RNF214: variants seen among roughly 807,000 people sequenced by gnomAD.
RNF214 encodes the protein ring finger protein 214.
RNF214 carries 25 observed loss-of-function variants against 75.9 expected under a neutral mutation model. The observed-to-expected ratio is 0.33, with a 90% CI of 0.24 to 0.46. RNF214 has a LOEUF of 0.46. Among genes scored for constraint, RNF214 ranks in the 20% least tolerant of loss-of-function variants. The pLI, the probability that RNF214 is intolerant of heterozygous loss-of-function variation, is 1.00. For missense variants in RNF214, 725 were observed against 857.5 expected, an observed-to-expected ratio of 0.85 and a Z score of 1.93; for synonymous variants, 314 against 308.8, an observed-to-expected ratio of 1.02 and a Z score of -0.18.
chr11:117,286,103 G>A lies in RNF214; in HGVS notation c.*952G>A, dbSNP rs1279343180. 2.0e-5 allele frequency: 3 copies of A among 152,648 alleles called. No individual in the cohort carries two copies. Among genetic ancestry groups the A allele is most frequent in the Non-Finnish European group, 4.4e-5 (3 of 68,046 alleles). 9.5% of individuals were successfully genotyped at this position (152,648 alleles called of 1,614,324 possible). ...AGCTCCAGACAGGCACTGGGGTGAG[G>A]AGATGTCTGTGCAAAATTACTTGTA... On this transcript the variant is annotated 3_prime_UTR_variant, in exon 15 of 15. Transcript: ENST00000300650.
At chr11:117,243,340 T>C (rs1040514315) in intron 4 of RNF214, among the ~76,000 whole-genome samples, 2 of 152,174 alleles carry the variant, frequency 1.3e-5, no homozygotes, top group Non-Finnish European at 2.9e-5. Flanking sequence ...GAGATGGGAT[T>C]GCACTGTGTT....
intron 6 of RNF214, among the ~76,000 whole-genome samples, chr11:117,252,746 T>A (rs1475471809): frequency 6.6e-6 from 1 of 151,828 alleles, no homozygotes. Context: ...GGTCTCGCTC[T>A]CCTGACCTCC....
chr11:117,256,872 TC>T (rs1285647312), intron 6 of RNF214, among the ~76,000 whole-genome samples: 1 of 152,160 alleles, frequency 6.6e-6, no homozygotes, highest in Admixed American at 6.6e-5. Flanking sequence ...TTTCACTTTT[TC>T]TGCTTAGTAT....
intron 6 of RNF214, among the ~76,000 whole-genome samples, chr11:117,261,299 G>A (rs1291520241): frequency 1.3e-5 from 2 of 152,028 alleles, no homozygotes; most frequent in African/African-American, 4.8e-5. Flanking sequence ...TAAATTATTG[G>A]CTGGGCTCAG....
At chr11:117,254,553 T>G (rs1416846567) in intron 6 of RNF214, among the ~76,000 whole-genome samples, 1 of 152,132 alleles carries the variant, frequency 6.6e-6, no homozygotes, top group East Asian at 1.9e-4. Flanking sequence ...TCTTGGTGCC[T>G]TGTTCTTTTC....
At chr11:117,255,465 C>G (rs923444035) in intron 6 of RNF214, among the ~76,000 whole-genome samples, 4 of 152,002 alleles carry the variant, frequency 2.6e-5, no homozygotes, top group African/African-American at 9.7e-5. Flanking sequence ...TATTTTTGTT[C>G]TTTTTACAAT....
At chr11:117,282,717 C>G in intron 12 of RNF214, 29 bp from the exon 13 acceptor site, 1 of 1,590,450 alleles carries the variant, frequency 6.3e-7, no homozygotes, top group Non-Finnish European at 8.6e-7. Flanking sequence ...GACTCTCTTC[C>G]CTTACTCTGA....
rs1297010862 is a variant in RNF214 at position 117,246,837 on chromosome 11, CAAT to C, written c.851_853del (p.Ile284del). 1.2e-6 allele frequency: 2 copies of C among 1,605,888 alleles called. No homozygotes were observed. Among genetic ancestry groups the C allele is most frequent in the Non-Finnish European group, 1.7e-6 (2 of 1,175,324 alleles). The stretch of plus-strand genomic sequence containing the variant: ...ATATTAAAGGCTATTCAGGATGTGA[CAAT>C]AAAGCGGGAAGAAACAAAGAAGAAG... On this transcript the variant is annotated inframe_deletion, in exon 6 of 15. Transcript: ENST00000300650.
chr11:117,251,248 CCCCGCTGA>C (rs1220692921), intron 6 of RNF214, among the ~76,000 whole-genome samples: 3 of 21,646 alleles, frequency 1.4e-4, no homozygotes, highest in Admixed American at 4.0e-4. Context: ...GGGGGGCTGA[CCCCGCTGA>C]CCCCCCCACC....
At chr11:117,243,503 AT>A (rs563795351) in intron 4 of RNF214, among the ~76,000 whole-genome samples, 5 of 152,040 alleles carry the variant, frequency 3.3e-5, no homozygotes, top group Admixed American at 1.3e-4. Flanking sequence ...TGTTTTAAAA[AT>A]TTTTTTTCTT....
intron 6 of RNF214, among the ~76,000 whole-genome samples, chr11:117,250,549 C>T (rs1192942136): frequency 1.3e-5 from 2 of 151,406 alleles, no homozygotes; most frequent in Non-Finnish European, 2.9e-5. Flanking sequence ...AATGCAACAA[C>T]TGGTAAATTT....
At chr11:117,239,630 G>A (rs924931056) in intron 3 of RNF214, 171 bp from the exon 4 acceptor site, 17 of 618,168 alleles carry the variant, frequency 2.8e-5, no homozygotes, top group Non-Finnish European at 4.4e-5. Flanking sequence ...GATTAATGCA[G>A]CGTGGATGTT....
In RNF214 at chr11:117,281,946, T is replaced by C; in HGVS notation, c.1388T>C (p.Met463Thr). The C allele has an allele frequency of 6.2e-7, 1 of 1,614,150 alleles. No homozygotes were observed. Among genetic ancestry groups the C allele is most frequent in the Non-Finnish European group, 8.5e-7 (1 of 1,180,030 alleles). ...FQPSPSLAPR[M>T]PFSIGQVTMP... is the part of the protein sequence containing the mutation. ...CCCAGTCCCTCTCTGGCTCCTCGGATGCCCTTCTCCATTGGGCAGGTCACA... is the reference window on the plus strand; with the variant it reads ...CCCAGTCCCTCTCTGGCTCCTCGGACGCCCTTCTCCATTGGGCAGGTCACA... Residue 463 changes from methionine (M) to threonine (T), a missense_variant, in exon 11 of 15, where the codon ATG (methionine) becomes ACG (threonine). By Grantham distance (81) the Met-to-Thr change is moderately conservative. Coordinates refer to ENST00000300650, the MANE Select transcript of RNF214 (RefSeq NM_207343.4).
chr11:117,282,002 C>G lies in RNF214; in HGVS notation c.1444C>G (p.Arg482Gly). 1 of 1,614,124 alleles carries G rather than the reference C, an allele frequency of 6.2e-7. No homozygotes were observed. Among genetic ancestry groups the G allele is most frequent in the Non-Finnish European group, 8.5e-7 (1 of 1,180,044 alleles). ...MPMVMPSADPRSLSFPILNPA... is the reference protein window; with the variant it reads ...MPMVMPSADPGSLSFPILNPA... ...CATGGTTATGCCCAGTGCAGATCCC[C>G]GCTCCTTGTCTTTCCCAATCCTGAA... The change falls in exon 11 of 15, where the codon CGC becomes GGC. Residue 482 changes from arginine to glycine, a missense_variant. Arg to Gly is a moderately radical substitution (Grantham distance 125). Around this residue, in one of 2 missense-constraint regions of RNF214, gnomAD observed 363 missense variants for 513.0 expected, o/e 0.71. Coordinates refer to ENST00000300650, the MANE Select transcript of RNF214 (RefSeq NM_207343.4).
intron 14 of RNF214, among the ~76,000 whole-genome samples, chr11:117,283,665 T>G (rs932040197): frequency 6.7e-6 from 1 of 149,664 alleles, no homozygotes; most frequent in African/African-American, 2.5e-5. Context: ...AGCCTTTTTT[T>G]TGTTTTGTTT....
chr11:117,254,485 G>A (rs1334126177), intron 6 of RNF214, among the ~76,000 whole-genome samples: 2 of 152,056 alleles, frequency 1.3e-5, no homozygotes, highest in African/African-American at 2.4e-5. Flanking sequence ...TCTTTCCATA[G>A]CCAGCCTAGA....
rs1333789513 is a variant in RNF214, at chr11:117,251,059, C to T, written c.959+4111C>T. On this transcript the variant is annotated intron_variant, in intron 6 of 14. Coordinates refer to ENST00000300650, the MANE Select transcript of RNF214 (RefSeq NM_207343.4). The stretch of plus-strand genomic sequence containing the variant: ...ACCATCCAATTTCTCAATCTTTTCC[C>T]CACCTTTCCCCCCTTTCTATTCCAC... Among the ~76,000 whole-genome samples the T allele has an allele frequency of 7.0e-3, 1,054 of 150,542 alleles. 17 individuals carry two copies. The highest frequency in any genetic ancestry group is 0.024 in the African/African-American group (969 of 41,006).
chr11:117,232,965 G>A (rs2032752935), intron 1 of RNF214, among the ~76,000 whole-genome samples: 1 of 151,698 alleles, frequency 6.6e-6, no homozygotes, highest in African/African-American at 2.4e-5. Context: ...CCGAGCCAGC[G>A]GCCAGCCTAG....
intron 2 of RNF214, among the ~76,000 whole-genome samples, chr11:117,236,970 G>T: frequency 6.6e-6 from 1 of 152,222 alleles, no homozygotes; most frequent in Non-Finnish European, 1.5e-5. Flanking sequence ...CAAACAGCTT[G>T]TAAATGGTGG....
Sources: gnomAD v4.1 joint callset for allele counts (sites outside exome capture counted in the v4.1 genomes callset) on GRCh38, gnomAD v4.1.1 for gene constraint, gnomAD v4.1.1 regional missense constraint, MANE v1.5 for transcripts, NCBI Gene and HGNC (gene_info 2026-07-23, HGNC 2026-07-21) for gene names.